The following RPRD1B variants were observed in gnomAD, a reference collection of about 807,000 sequenced individuals.
RPRD1B encodes regulation of nuclear pre-mRNA domain containing 1B.
Under a neutral mutation model 41.5 loss-of-function variants are expected in RPRD1B, and 11 were observed. The observed-to-expected ratio is 0.27, with a 90% CI of 0.17 to 0.44. The LOEUF (loss-of-function observed/expected upper bound fraction) is 0.44. Among genes scored for constraint, RPRD1B ranks in the 20% least tolerant of loss-of-function variants. RPRD1B has a pLI of 1.00. For synonymous variants in RPRD1B, 158 were observed against 155.6 expected, an observed-to-expected ratio of 1.02 and a Z score of -0.12; for missense variants, 248 against 389.9, an observed-to-expected ratio of 0.64 and a Z score of 3.06.
intron 3 of RPRD1B, among the ~76,000 whole-genome samples, chr20:38,049,149 A>G (rs1029613850): frequency 1.3e-5 from 2 of 151,828 alleles, no homozygotes; most frequent in Non-Finnish European, 2.9e-5. Flanking sequence ...GGGTTTCACC[A>G]TGTTTGCCAG....
chr20:38,053,139 T>C (rs2074205603), intron 3 of RPRD1B, among the ~76,000 whole-genome samples: 1 of 152,090 alleles, frequency 6.6e-6, no homozygotes, highest in Non-Finnish European at 1.5e-5. Context: ...AGAGTAAATA[T>C]ATACCGTGGT....
chr20:38,070,690 A>G, intron 6 of RPRD1B: 4 of 985,250 alleles, frequency 4.1e-6, no homozygotes, highest in Non-Finnish European at 4.8e-6. Flanking sequence ...ACAAGTATTA[A>G]GGAAAGAAAA....
chr20:38,082,938 A>G (rs2074527717), intron 6 of RPRD1B, among the ~76,000 whole-genome samples: 3 of 152,256 alleles, frequency 2.0e-5, no homozygotes, highest in Non-Finnish European at 2.9e-5. Context: ...AGAATTTTAC[A>G]TGATACAACC....
At chr20:38,079,732 A>G (rs955368878) in intron 6 of RPRD1B, among the ~76,000 whole-genome samples, 1 of 152,188 alleles carries the variant, frequency 6.6e-6, no homozygotes, top group Non-Finnish European at 1.5e-5. Context: ...TCCTTTGGTT[A>G]TATACCCAGT....
rs1568667286 is a variant in RPRD1B at position 38,091,678 on chromosome 20, G to A, written c.*1803G>A. On this transcript the variant is annotated 3_prime_UTR_variant, in exon 7 of 7. Transcript: ENST00000373433. ...CTGCTTTCTAGATGAGCGTGTTTTGGAGCAGGCCCATCTGGGACACTCTAT... is the reference window on the plus strand; with the variant it reads ...CTGCTTTCTAGATGAGCGTGTTTTGAAGCAGGCCCATCTGGGACACTCTAT... The A allele has an allele frequency of 2.0e-6, 2 of 985,506 alleles. No individual in the cohort carries two copies. Among genetic ancestry groups the A allele is most frequent in the East Asian group, 2.3e-4 (2 of 8,814 alleles). 61.0% of individuals were successfully genotyped at this position (985,506 alleles called of 1,614,324 possible).
intron 6 of RPRD1B, among the ~76,000 whole-genome samples, chr20:38,067,061 C>T (rs2074365233): frequency 6.6e-6 from 1 of 152,192 alleles, no homozygotes; most frequent in Non-Finnish European, 1.5e-5. Context: ...ATTTATATAG[C>T]ACAGTTCTCA....
At chr20:38,048,749 C>A in intron 3 of RPRD1B, 1 of 254,020 alleles carries the variant, frequency 3.9e-6, no homozygotes, top group Non-Finnish European at 6.2e-6. Flanking sequence ...TTTCCTTGCA[C>A]AAGGAAAGGA....
At chr20:38,053,629 C>T (rs571683248) in intron 3 of RPRD1B, among the ~76,000 whole-genome samples, 127 of 152,128 alleles carry the variant, frequency 8.3e-4, no homozygotes, top group Non-Finnish European at 1.1e-3. Flanking sequence ...TTAGAAGCCC[C>T]TTAAGGTTTA....
intron 3 of RPRD1B, among the ~76,000 whole-genome samples, chr20:38,054,226 G>A (rs532014959): frequency 6.6e-6 from 1 of 152,254 alleles, no homozygotes; most frequent in South Asian, 2.1e-4. Context: ...TGTTCGTAAT[G>A]GAAATAGGTA....
At chr20:38,082,970 A>G (rs147767008) in intron 6 of RPRD1B, among the ~76,000 whole-genome samples, 224 of 152,332 alleles carry the variant, frequency 1.5e-3, no homozygotes, top group African/African-American at 5.1e-3. Context: ...CACACACACA[A>G]AAAAATTTGT....
chr20:38,072,205 A>AGGGG, intron 6 of RPRD1B, among the ~76,000 whole-genome samples: 1 of 152,216 alleles, frequency 6.6e-6, no homozygotes, highest in South Asian at 2.1e-4. Flanking sequence ...GGTGTGATGT[A>AGGGG]GGGGGGGACC....
chr20:38,054,229 A>T (rs1191865084), intron 3 of RPRD1B, among the ~76,000 whole-genome samples: 3 of 152,162 alleles, frequency 2.0e-5, no homozygotes, highest in Non-Finnish European at 2.9e-5. Flanking sequence ...TCGTAATGGA[A>T]ATAGGTAGCT....
At chr20:38,086,589 C>G (rs1048598735) in intron 6 of RPRD1B, among the ~76,000 whole-genome samples, 10 of 152,204 alleles carry the variant, frequency 6.6e-5, no homozygotes, top group African/African-American at 2.4e-4. Flanking sequence ...TCTGCCTCAG[C>G]CTCTGAAAGC....
intron 2 of RPRD1B, among the ~76,000 whole-genome samples, chr20:38,043,485 A>G (rs2074088494): frequency 6.6e-6 from 1 of 152,172 alleles, no homozygotes; most frequent in Non-Finnish European, 1.5e-5. Flanking sequence ...ATATTCCAAC[A>G]TACATTTTTA....
In RPRD1B at chr20:38,089,792, T is replaced by C. The variant is rs1438411217; in HGVS notation, c.898T>C (p.Leu300=). ...GGAACTGAAATCCCATATTCAGAGC[T>C]TGCCAGACCTCTCACTGCTGCCCAA... ...RKELKSHIQS[L]PDLSLLPNVT... Residue 300 remains leucine (L), a synonymous_variant, in exon 7 of 7, where the codon TTG becomes CTG. Transcript: ENST00000373433. 6.2e-7 allele frequency: 1 copy of C among 1,614,178 alleles called. No individual in the cohort carries two copies. The highest frequency in any genetic ancestry group is 1.7e-5 in the Admixed American group (1 of 60,022).
chr20:38,056,390 T>TA (rs1036312626), intron 3 of RPRD1B, among the ~76,000 whole-genome samples: 46 of 146,604 alleles, frequency 3.1e-4, no homozygotes, highest in East Asian at 5.9e-4. Flanking sequence ...AAACTCCATC[T>TA]AAAAAAAAAA....
chr20:38,091,694 G>T lies in RPRD1B; in HGVS notation c.*1819G>T, dbSNP rs747182140. The T allele has an allele frequency of 2.9e-5, 29 of 985,452 alleles. No individual in the cohort carries two copies. Among genetic ancestry groups the T allele is most frequent in the Non-Finnish European group, 3.1e-5 (26 of 829,974 alleles). The allele number at this position is 985,452 out of a possible 1,614,324, so 61.0% of individuals were successfully genotyped here. A position where few individuals can be genotyped will look rare whatever the true frequency, so the allele number is the denominator to read the frequency against. On this transcript the variant is annotated 3_prime_UTR_variant, in exon 7 of 7. Coordinates refer to ENST00000373433, the MANE Select transcript of RPRD1B (RefSeq NM_021215.4). The stretch of plus-strand genomic sequence containing the variant: ...CGTGTTTTGGAGCAGGCCCATCTGG[G>T]ACACTCTATGCTTTCACCAAGGAAG...
At chr20:38,060,956 T>G (rs1257927855) in intron 5 of RPRD1B, among the ~76,000 whole-genome samples, 1 of 152,166 alleles carries the variant, frequency 6.6e-6, no homozygotes, top group Non-Finnish European at 1.5e-5. Flanking sequence ...TAAAAATACT[T>G]ACTACTAAAA....
intron 6 of RPRD1B, among the ~76,000 whole-genome samples, chr20:38,067,265 C>T (rs983257314): frequency 2.0e-5 from 3 of 152,218 alleles, no homozygotes; most frequent in African/African-American, 2.4e-5. Context: ...TTTGCTGCCC[C>T]GGGCTGCTGC....
Sources: allele counts gnomAD v4.1 joint callset (sites outside exome capture counted in the v4.1 genomes callset), GRCh38; gene constraint gnomAD v4.1.1; transcripts MANE v1.5; gene names NCBI Gene and HGNC (gene_info 2026-07-23, HGNC 2026-07-21).